Variants in RELN observed in about 807,000 individuals in gnomAD.
RELN encodes reelin.
Under a neutral mutation model 427.6 loss-of-function variants are expected in RELN, and 108 were observed. That is an observed-to-expected ratio of 0.25 (90% CI 0.22 to 0.30). RELN has a LOEUF of 0.30. Ranked by LOEUF, RELN falls within the 10% of genes least tolerant of loss-of-function variation. The pLI, the probability that RELN is intolerant of heterozygous loss-of-function variation, is 1.00. For synonymous variants in RELN, 1,524 were observed against 1,513.4 expected, an observed-to-expected ratio of 1.01 and a Z score of -0.16; for missense variants, 3,715 against 4,302.8, an observed-to-expected ratio of 0.86 and a Z score of 3.82.
intron 17 of RELN, among the ~76,000 whole-genome samples, chr7:103,638,664 A>C (rs2535758): frequency 0.013 from 1,971 of 152,350 alleles, 36 homozygotes; most frequent in African/African-American, 0.043. Context: ...TGAATATTAC[A>C]TAAAACATTG....
intron 1 of RELN, among the ~76,000 whole-genome samples, chr7:103,976,517 T>G (rs1039295203): frequency 3.9e-5 from 6 of 152,204 alleles, no homozygotes; most frequent in African/African-American, 1.4e-4. Context: ...GGAATGGAAC[T>G]GATGTGGAGC....
intron 1 of RELN, among the ~76,000 whole-genome samples, chr7:103,956,403 A>C (rs947319296): frequency 6.6e-6 from 1 of 152,246 alleles, no homozygotes; most frequent in African/African-American, 2.4e-5. Context: ...TGTAAAGAAA[A>C]GACCAGGATA....
At chr7:103,515,102 C>T in intron 50 of RELN, 83 bp downstream of exon 50, 1 of 1,550,902 alleles carries the variant, frequency 6.4e-7, no homozygotes, top group Non-Finnish European at 8.9e-7. Flanking sequence ...GAAAAGGTTC[C>T]ATATTTTGCT....
At chr7:103,937,780 G>C (rs948157205) in intron 1 of RELN, among the ~76,000 whole-genome samples, 12 of 152,234 alleles carry the variant, frequency 7.9e-5, no homozygotes, top group African/African-American at 2.4e-4. Flanking sequence ...TGTTAAAATG[G>C]TCTCATCTTA....
At chr7:103,926,633 T>G (rs927351803) in intron 1 of RELN, among the ~76,000 whole-genome samples, 2 of 21,434 alleles carry the variant, frequency 9.3e-5, no homozygotes, top group African/African-American at 6.9e-4. Flanking sequence ...ATAAGTTTTT[T>G]TTTTTTTTTT....
chr7:103,702,129 C>A (rs1050014577), intron 8 of RELN, among the ~76,000 whole-genome samples: 10 of 152,146 alleles, frequency 6.6e-5, no homozygotes. Flanking sequence ...ACTGAGCAAC[C>A]CTGATCTCAA....
chr7:103,615,092 G>A (rs1334415279), intron 20 of RELN, among the ~76,000 whole-genome samples: 2 of 152,130 alleles, frequency 1.3e-5, no homozygotes, highest in African/African-American at 4.8e-5. Context: ...AGCATTTTGG[G>A]GAGAAATTCT....
At chr7:103,796,652 T>C (rs561882560) in intron 3 of RELN, among the ~76,000 whole-genome samples, 2 of 152,190 alleles carry the variant, frequency 1.3e-5, no homozygotes, top group African/African-American at 4.8e-5. Flanking sequence ...GCAGATCACT[T>C]GAGGCCAGGA....
chr7:103,587,228 G>T (rs1025704203), intron 28 of RELN, among the ~76,000 whole-genome samples: 13 of 152,116 alleles, frequency 8.5e-5, no homozygotes, highest in African/African-American at 3.1e-4. Flanking sequence ...TAAAGCCCCA[G>T]ATTTAAAGCC....
At chr7:103,641,709 T>C (rs1167212151) in intron 16 of RELN, among the ~76,000 whole-genome samples, 1 of 152,172 alleles carries the variant, frequency 6.6e-6, no homozygotes, top group Non-Finnish European at 1.5e-5. Flanking sequence ...CAGCACTACA[T>C]GGTTATAATC....
chr7:103,559,689 C>T (rs1252882949), intron 36 of RELN, among the ~76,000 whole-genome samples: 1 of 152,188 alleles, frequency 6.6e-6, no homozygotes, highest in Non-Finnish European at 1.5e-5. Flanking sequence ...ATCCTCCCAC[C>T]TCAGCCCCCA....
intron 3 of RELN, among the ~76,000 whole-genome samples, chr7:103,802,353 A>G (rs1055547312): frequency 1.3e-5 from 2 of 152,176 alleles, no homozygotes; most frequent in African/African-American, 4.8e-5. Context: ...TTTGCTTCAT[A>G]TGATGTAATA....
At chr7:103,617,323 T>G (rs1832104059) in intron 20 of RELN, among the ~76,000 whole-genome samples, 1 of 152,210 alleles carries the variant, frequency 6.6e-6, no homozygotes, top group Admixed American at 6.5e-5. Context: ...TGTAATGTTT[T>G]GTTTCTTTAA....
intron 20 of RELN, among the ~76,000 whole-genome samples, chr7:103,628,718 T>C (rs1832384061): frequency 6.6e-6 from 1 of 152,256 alleles, no homozygotes; most frequent in Non-Finnish European, 1.5e-5. Context: ...GATATTCATC[T>C]GAAGGAATTA....
chr7:103,633,618 T>C (rs777290184), intron 19 of RELN, among the ~76,000 whole-genome samples: 13 of 152,064 alleles, frequency 8.5e-5, no homozygotes, highest in African/African-American at 2.9e-4. Flanking sequence ...AGAAGAAAAA[T>C]GTTGCTGTCA....
chr7:103,711,292 A>T (rs1401257404), intron 8 of RELN, among the ~76,000 whole-genome samples: 1 of 152,116 alleles, frequency 6.6e-6, no homozygotes, highest in East Asian at 1.9e-4. Flanking sequence ...TTCCTTAGAG[A>T]GAGACCCTAA....
chr7:103,981,503 C>A (rs1302546849), intron 1 of RELN, among the ~76,000 whole-genome samples: 1 of 152,178 alleles, frequency 6.6e-6, no homozygotes, highest in African/African-American at 2.4e-5. Context: ...AGGATCAGAG[C>A]AATTCAGAGC....
chr7:103,753,250 C>G (rs753908978), intron 4 of RELN, 36 bp from the exon 5 acceptor site: 1 of 1,612,422 alleles, frequency 6.2e-7, no homozygotes, highest in Non-Finnish European at 8.5e-7. Context: ...GACAACTGAT[C>G]AGGAATGAAA....
chr7:103,733,859 G>A (rs1024735843), intron 6 of RELN, among the ~76,000 whole-genome samples: 1 of 151,744 alleles, frequency 6.6e-6, no homozygotes, highest in Non-Finnish European at 1.5e-5. Flanking sequence ...GTTAGTGGGT[G>A]CAGCGCACCA....
Sources: allele counts gnomAD v4.1 joint callset (sites outside exome capture counted in the v4.1 genomes callset), GRCh38; gene constraint gnomAD v4.1.1; transcripts MANE v1.5; gene names NCBI Gene and HGNC (gene_info 2026-07-23, HGNC 2026-07-21).